Variants in ADAMTS14 observed in about 807,000 individuals in gnomAD.
ADAMTS14 encodes ADAM metallopeptidase with thrombospondin type 1 motif 14.
ADAMTS14 carries 100 observed loss-of-function variants against 128.6 expected under a neutral mutation model. The ratio of observed to expected loss-of-function variants is 0.78; its 90% CI spans 0.66 to 0.92. The LOEUF is 0.92. Among genes scored for constraint, ADAMTS14 ranks in the 40% least tolerant of loss-of-function variants. ADAMTS14 has a pLI of 0.00. For missense variants in ADAMTS14, 1,562 were observed against 1,658.6 expected, an observed-to-expected ratio of 0.94 and a Z score of 1.01; for synonymous variants, 665 against 653.8, an observed-to-expected ratio of 1.02 and a Z score of -0.26.
chr10:70,715,117 AGTG>A (rs1840998887), intron 4 of ADAMTS14, among the ~76,000 whole-genome samples: 7 of 152,156 alleles, frequency 4.6e-5, no homozygotes, highest in Non-Finnish European at 1.5e-5. Flanking sequence ...AGCAGGGTCA[AGTG>A]GTATTTCTGT....
At position 70,760,431 on chromosome 10, in the gene ADAMTS14, G is replaced by T; in HGVS notation, c.3250G>T (p.Gly1084Cys). The T allele has an allele frequency of 6.2e-7, 1 of 1,612,926 alleles. No homozygotes were observed. Among genetic ancestry groups the T allele is most frequent in the Non-Finnish European group, 8.5e-7 (1 of 1,179,728 alleles). Residue 1084 changes from glycine (G) to cysteine (C), a missense_variant, in exon 22 of 22, where the codon GGC becomes TGC. Physicochemically the swap from Gly to Cys is radical, Grantham distance 159. Transcript: ENST00000373207. ...GCTCGATCGCTACTGCTCCATTCCC[G>T]GCTACCACCGGCTCTGCTGTGTGTC... Reference protein sequence around the residue: ...EVLDRYCSIPGYHRLCCVSCI... With the variant: ...EVLDRYCSIPCYHRLCCVSCI...
chr10:70,750,639 A>G (rs1012707478), intron 16 of ADAMTS14, among the ~76,000 whole-genome samples: 3 of 152,208 alleles, frequency 2.0e-5, no homozygotes, highest in African/African-American at 7.2e-5. Flanking sequence ...TGGTGTCAGC[A>G]TATCAATTCA....
intron 4 of ADAMTS14, among the ~76,000 whole-genome samples, chr10:70,714,997 T>C (rs1447497629): frequency 2.0e-5 from 3 of 151,084 alleles, no homozygotes; most frequent in Non-Finnish European, 4.4e-5. Flanking sequence ...GGGCTTATAT[T>C]CTTAGCTTAA....
At position 70,760,681 on chromosome 10, in the gene ADAMTS14, C is replaced by T. The variant is rs1053917296; in HGVS notation, c.3500C>T (p.Ala1167Val). 3 of 1,614,058 alleles carry T rather than the reference C, an allele frequency of 1.9e-6. No individual in the cohort carries two copies. Among genetic ancestry groups the T allele is most frequent in the African/African-American group, 2.7e-5 (2 of 74,938 alleles). ...TSSPGTQHPF[A>V]PETPIPGASW... The stretch of plus-strand genomic sequence containing the variant: ...TCCCCAGGGACCCAGCATCCCTTTG[C>T]CCCTGAGACACCAATCCCTGGAGCA... Residue 1167 changes from alanine (A) to valine (V), a missense_variant, in exon 22 of 22, where the codon GCC becomes GTC. Transcript: ENST00000373207.
At position 70,751,429 on chromosome 10, in the gene ADAMTS14, G is replaced by A. The variant is rs374735492; in HGVS notation, c.2428-49G>A. The A allele has an allele frequency of 2.2e-5, 34 of 1,568,660 alleles. No individual in the cohort carries two copies. The African/African-American group carries it at 2.8e-4, about 13-fold the overall frequency. ...GGCCCCTCCCCTCCCAGTGCATGCC[G>A]CCCTTGCTTCTTTCTCTGGTCCTGT... On this transcript the variant is annotated intron_variant, in intron 16 of 21. Transcript: ENST00000373207.
chr10:70,693,910 G>T (rs1840259685), intron 2 of ADAMTS14, among the ~76,000 whole-genome samples: 1 of 152,354 alleles, frequency 6.6e-6, no homozygotes, highest in East Asian at 1.9e-4. Context: ...GATGGTGCTG[G>T]TATGGGGTGC....
Position 70,735,163 on chromosome 10 carries a change from T to C in ADAMTS14, c.1353-6T>C, listed in dbSNP as rs1445697082. On this transcript the variant is annotated splice_region_variant and splice_polypyrimidine_tract_variant and intron_variant, in intron 8 of 21. Transcript: ENST00000373207. Reference sequence around the variant, plus strand: ...CCTGGCTCACCTTCCTTGTCTCTACTGGCAGCTCCTACGACTGCCTCCTCG... The same window carrying C: ...CCTGGCTCACCTTCCTTGTCTCTACCGGCAGCTCCTACGACTGCCTCCTCG... 5 of 1,610,784 alleles carry C rather than the reference T, an allele frequency of 3.1e-6. No individual in the cohort carries two copies. The highest frequency in any genetic ancestry group is 8.5e-7 in the Non-Finnish European group (1 of 1,177,820).
At chr10:70,744,742 C>T (rs1842123372) in intron 14 of ADAMTS14, among the ~76,000 whole-genome samples, 1 of 152,154 alleles carries the variant, frequency 6.6e-6, no homozygotes, top group South Asian at 2.1e-4. Flanking sequence ...TACACTTTGT[C>T]TCACCTTTGA....
At chr10:70,707,820 C>A (rs763737748) in intron 3 of ADAMTS14, among the ~76,000 whole-genome samples, 4 of 152,138 alleles carry the variant, frequency 2.6e-5, no homozygotes, top group African/African-American at 9.7e-5. Flanking sequence ...TATAGCCTGG[C>A]AGCTGTCTTG....
intron 2 of ADAMTS14, among the ~76,000 whole-genome samples, chr10:70,688,850 G>C (rs12241181): frequency 4.5e-4 from 2 of 4,400 alleles, no homozygotes; most frequent in East Asian, 0.014. Context: ...GACCGGAGGG[G>C]GAGGGGGAGG....
At chr10:70,685,485 C>T (rs1421987517) in intron 2 of ADAMTS14, among the ~76,000 whole-genome samples, 1 of 152,174 alleles carries the variant, frequency 6.6e-6, no homozygotes, top group East Asian at 1.9e-4. Flanking sequence ...TGACTTTGGC[C>T]TGAGTTGGAG....
intron 5 of ADAMTS14, among the ~76,000 whole-genome samples, chr10:70,729,640 T>C (rs1003695887): frequency 6.6e-6 from 1 of 152,142 alleles, no homozygotes; most frequent in Admixed American, 6.5e-5. Flanking sequence ...AAACTGGGGC[T>C]TACAGTGGGG....
intron 16 of ADAMTS14, 55 bp from the exon 17 acceptor site, chr10:70,751,423 C>A: frequency 6.4e-7 from 1 of 1,552,484 alleles, no homozygotes; most frequent in Admixed American, 1.7e-5. Flanking sequence ...CCTCCCAGTG[C>A]ATGCCGCCCT....
At chr10:70,734,550 C>A (rs1199270306) in intron 8 of ADAMTS14, among the ~76,000 whole-genome samples, 1 of 152,180 alleles carries the variant, frequency 6.6e-6, no homozygotes, top group Non-Finnish European at 1.5e-5. Flanking sequence ...GGGAGCTCCT[C>A]CTCTCCCCAC....
chr10:70,758,685 G>T (rs7086625), intron 21 of ADAMTS14, among the ~76,000 whole-genome samples: 20,780 of 152,082 alleles, frequency 0.14, 1,481 homozygotes, highest in South Asian at 0.24. Flanking sequence ...ACTATATCTG[G>T]TTCCAATATT....
intron 2 of ADAMTS14, among the ~76,000 whole-genome samples, chr10:70,691,610 CA>C (rs922453501): frequency 6.6e-6 from 1 of 151,920 alleles, no homozygotes; most frequent in Admixed American, 6.6e-5. Context: ...TCAACATTAG[CA>C]CAGAGGGACT....
At chr10:70,728,341 G>A (rs1841510413) in intron 4 of ADAMTS14, among the ~76,000 whole-genome samples, 1 of 152,228 alleles carries the variant, frequency 6.6e-6, no homozygotes, top group Admixed American at 6.5e-5. Context: ...TTATTATTAA[G>A]TCTGACTAAT....
At chr10:70,689,400 G>GCCTATC (rs768966898) in intron 2 of ADAMTS14, among the ~76,000 whole-genome samples, 1 of 145,002 alleles carries the variant, frequency 6.9e-6, no homozygotes, top group East Asian at 1.9e-4. Flanking sequence ...CCTGCCAAGA[G>GCCTATC]CCACCACCAC....
chr10:70,736,688 C>A lies in ADAMTS14; in HGVS notation c.1494C>A (p.Thr498=). 6.2e-7 allele frequency: 1 copy of A among 1,613,798 alleles called. No homozygotes were observed. Among genetic ancestry groups the A allele is most frequent in the Non-Finnish European group, 8.5e-7 (1 of 1,179,780 alleles). ...SGYQTCLAFR[T]FEPCKQLWCS... Reference sequence around the variant, plus strand: ...ATTCCCTTGCCATGCAGTTCAGGACCTTTGAGCCCTGCAAGCAGCTGTGGT... The same window carrying A: ...ATTCCCTTGCCATGCAGTTCAGGACATTTGAGCCCTGCAAGCAGCTGTGGT... The change falls in exon 10 of 22, where the codon ACC becomes ACA. Residue 498 remains threonine, a synonymous_variant. Coordinates refer to ENST00000373207, the MANE Select transcript of ADAMTS14 (RefSeq NM_080722.4).
Sources: gnomAD v4.1 joint callset for allele counts (sites outside exome capture counted in the v4.1 genomes callset) on GRCh38, gnomAD v4.1.1 for gene constraint, MANE v1.5 for transcripts, NCBI Gene and HGNC (gene_info 2026-07-23, HGNC 2026-07-21) for gene names.